Variants in SMYD3 observed in about 807,000 individuals in gnomAD.
SMYD3 encodes histone-lysine N-methyltransferase SMYD3.
SMYD3 carries 36 observed loss-of-function variants against 57.7 expected under a neutral mutation model. The observed-to-expected ratio is 0.62, with a 90% CI of 0.48 to 0.82. The LOEUF (loss-of-function observed/expected upper bound fraction) is 0.82. Ranked by LOEUF, SMYD3 falls within the 40% of genes least tolerant of loss-of-function variation. SMYD3 has a pLI of 0.00. For missense variants in SMYD3, 515 were observed against 538.8 expected (o/e 0.96, Z 0.44); for synonymous variants, 211 against 195.0 (o/e 1.08, Z -0.68).
chr1:246,115,749 G>C (rs1219169784), intron 5 of SMYD3, among the ~76,000 whole-genome samples: 1 of 152,136 alleles, frequency 6.6e-6, no homozygotes, highest in Non-Finnish European at 1.5e-5. Flanking sequence ...TACAACTAGT[G>C]CTCATCAAAT....
At chr1:246,460,855 G>C (rs973377536) in intron 1 of SMYD3, among the ~76,000 whole-genome samples, 3 of 152,122 alleles carry the variant, frequency 2.0e-5, no homozygotes, top group Non-Finnish European at 4.4e-5. Flanking sequence ...AATTCAGCAT[G>C]TCAGAATTAT....
chr1:246,090,235 C>G (rs2060797724), intron 5 of SMYD3, among the ~76,000 whole-genome samples: 1 of 152,110 alleles, frequency 6.6e-6, no homozygotes, highest in Non-Finnish European at 1.5e-5. Context: ...GCCAAACTGT[C>G]CAACATACAT....
intron 5 of SMYD3, among the ~76,000 whole-genome samples, chr1:246,005,695 G>A (rs2059156588): frequency 6.6e-6 from 1 of 152,122 alleles, no homozygotes; most frequent in Non-Finnish European, 1.5e-5. Context: ...CAAAACACAA[G>A]TACCTGCTTA....
rs551675961 is a variant in SMYD3, at chr1:246,304,669, T to C, written c.531+22532A>G. On this transcript the variant is annotated intron_variant, in intron 5 of 11. Coordinates refer to ENST00000490107, the MANE Select transcript of SMYD3 (RefSeq NM_001167740.2). ...CTCTTTATCCCAAGCATTTATCCCATTAGCCACACAGTCACCATTATCTTT... is the reference window on the plus strand; with the variant it reads ...CTCTTTATCCCAAGCATTTATCCCACTAGCCACACAGTCACCATTATCTTT... Among the ~76,000 whole-genome samples the C allele has an allele frequency of 2.6e-5, 4 of 152,262 alleles. No homozygotes were observed. In the South Asian group the frequency reaches 8.3e-4, roughly 32 times the overall value.
rs140882851 is a variant in SMYD3, at chr1:246,502,510, T to G, written c.164+4544A>C. 5.1e-3 allele frequency among the ~76,000 whole-genome samples: 771 copies of G among 152,308 alleles called. 11 individuals are homozygous for G. Among genetic ancestry groups the G allele is most frequent in the African/African-American group, 0.017 (716 of 41,552 alleles). On this transcript the variant is annotated intron_variant, in intron 1 of 11. Transcript: ENST00000490107. ...TCTATAATTAATCTAATATTCCTCA[T>G]GAATATCTACTCTAATAAATATCCA...
intron 7 of SMYD3, among the ~76,000 whole-genome samples, chr1:245,918,748 A>G (rs1012809830): frequency 5.9e-5 from 9 of 152,212 alleles, no homozygotes; most frequent in African/African-American, 1.9e-4. Context: ...GAGGTGAGGT[A>G]GCAAATGAGC....
At chr1:246,139,446 C>T (rs10157844) in intron 5 of SMYD3, among the ~76,000 whole-genome samples, 76,357 of 152,000 alleles carry the variant, frequency 0.5, 23,010 homozygotes, top group Non-Finnish European at 0.69. Context: ...TTATAACACA[C>T]TTTCATTTCT....
At chr1:246,506,999 C>CA in intron 1 of SMYD3, 55 bp downstream of exon 1, 2 of 972,792 alleles carry the variant, frequency 2.1e-6, no homozygotes, top group African/African-American at 3.8e-5. Flanking sequence ...GCCCCCCCCT[C>CA]CCCAGCACCC....
intron 5 of SMYD3, chr1:245,953,229 A>T: frequency 1.0e-6 from 1 of 999,614 alleles, no homozygotes; most frequent in Non-Finnish European, 1.2e-6. Context: ...AAGCAAGATT[A>T]CCTTTTCTTC....
chr1:246,471,708 C>T (rs2067963874), intron 1 of SMYD3, among the ~76,000 whole-genome samples: 1 of 152,208 alleles, frequency 6.6e-6, no homozygotes, highest in African/African-American at 2.4e-5. Context: ...TCATTTTGGG[C>T]TCATCAGGGA....
chr1:246,253,574 G>GA (rs2063829788), intron 5 of SMYD3, among the ~76,000 whole-genome samples: 1 of 152,158 alleles, frequency 6.6e-6, no homozygotes, highest in Non-Finnish European at 1.5e-5. Flanking sequence ...GTGCAGCAAT[G>GA]ATTCTTCCAA....
intron 5 of SMYD3, among the ~76,000 whole-genome samples, chr1:246,131,132 C>T (rs2061580772): frequency 6.6e-6 from 1 of 152,146 alleles, no homozygotes; most frequent in South Asian, 2.1e-4. Flanking sequence ...AAGACATTTC[C>T]AGTTCTCACA....
chr1:245,820,251 C>G (rs1165156112), intron 10 of SMYD3, among the ~76,000 whole-genome samples: 3 of 151,312 alleles, frequency 2.0e-5, no homozygotes, highest in Non-Finnish European at 4.4e-5. Context: ...ATACGCAAAT[C>G]AATAAATGTA....
At chr1:246,273,061 G>T (rs1249309671) in intron 5 of SMYD3, among the ~76,000 whole-genome samples, 1 of 140,786 alleles carries the variant, frequency 7.1e-6, no homozygotes, top group African/African-American at 3.0e-5. Context: ...TCAATTTGTT[G>T]TCATACAACT....
At chr1:246,104,765 C>T (rs2061086498) in intron 5 of SMYD3, among the ~76,000 whole-genome samples, 7 of 151,670 alleles carry the variant, frequency 4.6e-5, no homozygotes, top group Admixed American at 4.6e-4. Context: ...ACCTTTCCTC[C>T]CCATGATAAA....
intron 5 of SMYD3, among the ~76,000 whole-genome samples, chr1:246,023,298 G>A (rs2059506759): frequency 6.6e-6 from 1 of 152,232 alleles, no homozygotes; most frequent in Admixed American, 6.5e-5. Context: ...GTCTGTCTGT[G>A]CATAACTGTG....
chr1:245,775,274 A>AG (rs869134258), intron 10 of SMYD3, among the ~76,000 whole-genome samples: 1 of 146,944 alleles, frequency 6.8e-6, no homozygotes, highest in African/African-American at 2.7e-5. Flanking sequence ...GTCGAGTGGA[A>AG]GGGGGGAAGT....
intron 5 of SMYD3, among the ~76,000 whole-genome samples, chr1:246,216,201 C>A (rs540989133): frequency 6.6e-6 from 1 of 151,204 alleles, no homozygotes; most frequent in Non-Finnish European, 1.5e-5. Context: ...GCAGGAGAAT[C>A]GCTTGAACCC....
In SMYD3 at chr1:246,410,218, G is replaced by C. The variant is rs557389819; in HGVS notation, c.165-55124C>G. On this transcript the variant is annotated intron_variant, in intron 1 of 11. Coordinates refer to ENST00000490107, the MANE Select transcript of SMYD3 (RefSeq NM_001167740.2). ...ATTTCCAACACTATATTGAATAGGA[G>C]TGGTGAGAGAGGGCATCCCTCTCTT... Among the ~76,000 whole-genome samples the C allele has an allele frequency of 2.0e-5, 3 of 152,152 alleles. No individual in the cohort carries two copies. The East Asian group carries it at 5.8e-4, about 29-fold the overall frequency.
Sources: gnomAD v4.1 joint callset for allele counts (sites outside exome capture counted in the v4.1 genomes callset) on GRCh38, gnomAD v4.1.1 for gene constraint, MANE v1.5 for transcripts, NCBI Gene and HGNC (gene_info 2026-07-23, HGNC 2026-07-21) for gene names.